Variants in CADPS observed in about 807,000 individuals in gnomAD.
CADPS encodes the protein calcium dependent secretion activator.
In CADPS, 57 loss-of-function variants were observed where a neutral mutation model predicts 167.3. The observed-to-expected ratio is 0.34, with a 90% CI of 0.28 to 0.42. CADPS has a LOEUF of 0.42. CADPS is among the 20% of genes least tolerant of loss of function. The pLI, the probability that CADPS is intolerant of heterozygous loss-of-function variation, is 1.00. For synonymous variants in CADPS, 676 were observed against 635.3 expected (o/e 1.06, Z -0.96); for missense variants, 1,414 against 1,738.1 (o/e 0.81, Z 3.32).
intron 29 of CADPS, among the ~76,000 whole-genome samples, chr3:62,401,023 C>T (rs1394953212): frequency 6.6e-6 from 1 of 152,184 alleles, no homozygotes; most frequent in African/African-American, 2.4e-5. Context: ...GTTCAGCTTA[C>T]TGAAGTCCAA....
At chr3:62,699,611 C>G (rs2081017935) in intron 3 of CADPS, among the ~76,000 whole-genome samples, 1 of 152,060 alleles carries the variant, frequency 6.6e-6, no homozygotes, top group African/African-American at 2.4e-5. Context: ...CTTTGTTGCC[C>G]AGGCTGGAGT....
chr3:62,850,435 A>G (rs1448931302), intron 1 of CADPS, among the ~76,000 whole-genome samples: 7 of 101,054 alleles, frequency 6.9e-5, no homozygotes, highest in African/African-American at 2.6e-4. Context: ...CCCTCTACAC[A>G]CTGCTTTGAA....
chr3:62,621,750 C>T (rs2149483992), intron 6 of CADPS, among the ~76,000 whole-genome samples: 1 of 152,104 alleles, frequency 6.6e-6, no homozygotes, highest in South Asian at 2.1e-4. Flanking sequence ...CACCCTCTAC[C>T]CTCCGATAGG....
At chr3:62,671,991 C>T (rs745874537) in intron 3 of CADPS, among the ~76,000 whole-genome samples, 50 of 151,758 alleles carry the variant, frequency 3.3e-4, no homozygotes, top group African/African-American at 8.2e-4. Context: ...CATGTTGGCC[C>T]GGATGGTCTC....
chr3:62,552,812 G>A (rs953610287), intron 10 of CADPS, among the ~76,000 whole-genome samples: 4 of 152,108 alleles, frequency 2.6e-5, no homozygotes, highest in African/African-American at 4.8e-5. Flanking sequence ...CACCAATAAA[G>A]CTTTACTAAA....
chr3:62,603,631 G>A (rs2060279228), intron 6 of CADPS, among the ~76,000 whole-genome samples: 1 of 152,118 alleles, frequency 6.6e-6, no homozygotes, highest in Non-Finnish European at 1.5e-5. Context: ...AAAACCAAGA[G>A]CCTGGTATTT....
At chr3:62,791,980 T>C (rs1004851146) in intron 1 of CADPS, among the ~76,000 whole-genome samples, 1 of 152,166 alleles carries the variant, frequency 6.6e-6, no homozygotes, top group African/African-American at 2.4e-5. Context: ...CTGCAGGAGA[T>C]TCACATCCTT....
intron 1 of CADPS, among the ~76,000 whole-genome samples, chr3:62,778,127 TG>T (rs1433311671): frequency 6.6e-6 from 1 of 152,218 alleles, no homozygotes; most frequent in African/African-American, 2.4e-5. Context: ...TTGGAAGCAG[TG>T]GAGAGGTTGA....
chr3:62,420,893 CACACACACAG>C lies in CADPS; in HGVS notation c.3777+17201_3777+17210del, dbSNP rs1267360737. Among the ~76,000 whole-genome samples the C allele has an allele frequency of 7.1e-3, 927 of 131,234 alleles. 14 individuals carry two copies. The highest frequency in any genetic ancestry group is 0.026 in the African/African-American group (848 of 32,300). The allele number at this position is 131,234 out of a possible 152,430, so 86.1% of individuals were successfully genotyped here. A position where few individuals can be genotyped will look rare whatever the true frequency, so the allele number is the denominator to read the frequency against. On this transcript the variant is annotated intron_variant, in intron 28 of 29. Coordinates refer to ENST00000383710, the MANE Select transcript of CADPS (RefSeq NM_003716.4). The surrounding 1 kb of genome is among the most constrained non-coding windows in gnomAD (Gnocchi z 4.1). ...ACACACACACACACACACACACACACACACACACAGGCACACACACACACACTTGCCAGAT... is the reference window on the plus strand; with the variant it reads ...ACACACACACACACACACACACACACGCACACACACACACACTTGCCAGAT...
At chr3:62,770,497 C>T (rs1373057427) in intron 1 of CADPS, among the ~76,000 whole-genome samples, 3 of 152,112 alleles carry the variant, frequency 2.0e-5, no homozygotes, top group Non-Finnish European at 2.9e-5. Flanking sequence ...GCCATGTCAG[C>T]CCACTGCAAA....
At chr3:62,870,633 A>G (rs934867219) in intron 1 of CADPS, among the ~76,000 whole-genome samples, 1 of 152,150 alleles carries the variant, frequency 6.6e-6, no homozygotes, top group Non-Finnish European at 1.5e-5. Flanking sequence ...AGACAGTTTT[A>G]AGGATTACCC....
intron 1 of CADPS, among the ~76,000 whole-genome samples, chr3:62,795,280 C>T (rs911165712): frequency 6.6e-6 from 1 of 152,060 alleles, no homozygotes; most frequent in African/African-American, 2.4e-5. Flanking sequence ...TCTTCCTAAT[C>T]TAAATCTCTT....
At chr3:62,672,969 A>G (rs1580157317) in intron 3 of CADPS, among the ~76,000 whole-genome samples, 1 of 152,160 alleles carries the variant, frequency 6.6e-6, no homozygotes, top group Admixed American at 6.5e-5. Context: ...CCTAGTATCA[A>G]TATTGCTACC....
At chr3:62,595,387 G>A (rs933512663) in intron 6 of CADPS, among the ~76,000 whole-genome samples, 1 of 152,064 alleles carries the variant, frequency 6.6e-6, no homozygotes, top group African/African-American at 2.4e-5. Context: ...CAATGGCAAG[G>A]GTTTTGAACC....
chr3:62,857,278 T>C (rs61619918), intron 1 of CADPS, among the ~76,000 whole-genome samples: 6,960 of 152,122 alleles, frequency 0.046, 182 homozygotes, highest in East Asian at 0.089. Flanking sequence ...TAATGTCTAG[T>C]TTTAACATGG....
chr3:62,767,830 ATACTT>A (rs1165842660), intron 1 of CADPS, among the ~76,000 whole-genome samples: 5 of 152,218 alleles, frequency 3.3e-5, no homozygotes, highest in African/African-American at 1.2e-4. Context: ...GAATTTTGAT[ATACTT>A]TACTTAACCC....
At chr3:62,589,034 A>G (rs941111465) in intron 7 of CADPS, among the ~76,000 whole-genome samples, 2 of 152,192 alleles carry the variant, frequency 1.3e-5, no homozygotes, top group Non-Finnish European at 2.9e-5. Flanking sequence ...AATTTTCACT[A>G]TATATCAATT....
In CADPS at chr3:62,536,329, T is replaced by C. The variant is rs143181687; in HGVS notation, c.2103+116A>G. 4.8e-4 allele frequency: 426 copies of C among 885,714 alleles called. 2 individuals are homozygous for C. The East Asian group carries it at 9.4e-3, about 20-fold the overall frequency. The allele number at this position is 885,714 out of a possible 1,614,324, so 54.9% of individuals were successfully genotyped here. On this transcript the variant is annotated intron_variant, in intron 12 of 29. Transcript: ENST00000383710. ...ACCCAGGAAATCGGGAACACATTTA[T>C]AATTGTTAAAGGGATTCTGTAATGG...
At chr3:62,436,997 A>AC (rs2055209336) in intron 28 of CADPS, among the ~76,000 whole-genome samples, 1 of 151,950 alleles carries the variant, frequency 6.6e-6, no homozygotes, top group African/African-American at 2.4e-5. Flanking sequence ...GTGGAACAAA[A>AC]ACACACACAC....
Sources: allele counts gnomAD v4.1 joint callset (sites outside exome capture counted in the v4.1 genomes callset), GRCh38; gene constraint gnomAD v4.1.1; non-coding constraint Gnocchi (gnomAD v3.1); transcripts MANE v1.5; gene names NCBI Gene and HGNC (gene_info 2026-07-23, HGNC 2026-07-21).